Variants in FANCB observed in about 807,000 individuals in gnomAD.
FANCB encodes FA complementation group B, also known as Fanconi anemia group B protein.
FANCB carries 5 observed loss-of-function variants against 38.9 expected under a neutral mutation model. The observed-to-expected ratio is 0.13, with a 90% confidence interval of 0.07 to 0.27. The LOEUF (loss-of-function observed/expected upper bound fraction) is 0.27, where lower values mean the gene tolerates loss of function less well. Among genes scored for constraint, FANCB ranks in the 10% least tolerant of loss-of-function variants. The pLI, the probability that FANCB is intolerant of heterozygous loss-of-function variation, is 1.00. For missense variants in FANCB, 573 were observed against 602.7 expected (o/e 0.95, Z 0.52); for synonymous variants, 236 against 215.4 (o/e 1.10, Z -0.84).
At chrX:14,699,806 G>A in the FANCB span, among the ~76,000 whole-genome samples, 1 of 111,576 alleles carries the variant, frequency 9.0e-6, no homozygotes, top group African/African-American at 3.3e-5. Flanking sequence ...TTCCACATAT[G>A]AGTGAGATCA....
At chrX:14,690,219 G>A in the FANCB span, among the ~76,000 whole-genome samples, 1 of 111,756 alleles carries the variant, frequency 8.9e-6, no homozygotes, top group African/African-American at 3.2e-5. Flanking sequence ...GAAGTGAGCA[G>A]TTTGAATAAT....
chrX:14,752,909 T>C, the FANCB span, among the ~76,000 whole-genome samples: 4 of 108,294 alleles, frequency 3.7e-5, no homozygotes, highest in Non-Finnish European at 7.7e-5. Flanking sequence ...TTGCCACAGC[T>C]GCTTTATAAT....
chrX:14,855,280 G>A (rs1000283326), intron 5 of FANCB, among the ~76,000 whole-genome samples: 2 of 112,104 alleles, frequency 1.8e-5, no homozygotes, highest in East Asian at 2.8e-4. Flanking sequence ...TGCAAGTCAC[G>A]TAACCTTTCT....
chrX:14,784,471 C>T, the FANCB span, among the ~76,000 whole-genome samples: 21 of 112,118 alleles, frequency 1.9e-4, no homozygotes, highest in Admixed American at 1.9e-3. Context: ...CTTCTGTCCT[C>T]TCATCTTCTT....
At chrX:14,778,080 T>A in the FANCB span, among the ~76,000 whole-genome samples, 1 of 111,815 alleles carries the variant, frequency 8.9e-6, no homozygotes, top group African/African-American at 3.3e-5. Flanking sequence ...CCACCATGTA[T>A]GAAAAATTCT....
At chrX:14,700,582 A>G in the FANCB span, among the ~76,000 whole-genome samples, 6 of 112,001 alleles carry the variant, frequency 5.4e-5, no homozygotes, top group Non-Finnish European at 1.1e-4. Context: ...AGAAGCAGCC[A>G]TGGATTTTAG....
downstream of FANCB, among the ~76,000 whole-genome samples, chrX:14,831,017 T>G (rs779096914): frequency 8.9e-6 from 1 of 112,081 alleles, no homozygotes; most frequent in South Asian, 3.7e-4. Context: ...GTGAACTTTA[T>G]GTTAGTCTCC....
chrX:14,782,790 A>G, the FANCB span, among the ~76,000 whole-genome samples: 3 of 111,930 alleles, frequency 2.7e-5, no homozygotes, highest in African/African-American at 9.7e-5. Context: ...ATTAATGTGC[A>G]TACAGACCAC....
chrX:14,748,510 A>G, the FANCB span, among the ~76,000 whole-genome samples: 2 of 112,660 alleles, frequency 1.8e-5, no homozygotes, highest in Admixed American at 9.3e-5. Flanking sequence ...TGTATGCAGT[A>G]ATAGCTAACT....
downstream of FANCB, among the ~76,000 whole-genome samples, chrX:14,841,552 G>A (rs1465054974): frequency 8.9e-6 from 1 of 111,763 alleles, no homozygotes; most frequent in Admixed American, 9.5e-5. Flanking sequence ...ATTCTTGAAG[G>A]GTCTACAGTT....
chrX:14,803,799 C>G, the FANCB span, among the ~76,000 whole-genome samples: 1 of 111,240 alleles, frequency 9.0e-6, no homozygotes, highest in Admixed American at 9.6e-5. Flanking sequence ...AAAAAACACA[C>G]AACCCCATCA....
At chrX:14,752,908 C>A in the FANCB span, among the ~76,000 whole-genome samples, 1 of 107,772 alleles carries the variant, frequency 9.3e-6, no homozygotes. Flanking sequence ...TTTGCCACAG[C>A]TGCTTTATAA....
At chrX:14,707,475 A>G in the FANCB span, among the ~76,000 whole-genome samples, 1 of 111,037 alleles carries the variant, frequency 9.0e-6, no homozygotes, top group African/African-American at 3.3e-5. Flanking sequence ...TTTTGACATG[A>G]GAATATTGCA....
the FANCB span, among the ~76,000 whole-genome samples, chrX:14,706,982 A>G: frequency 9.0e-6 from 1 of 111,164 alleles, no homozygotes; most frequent in Non-Finnish European, 1.9e-5. Flanking sequence ...AGAATCATTG[A>G]ATGTTCTTTC....
the FANCB span, among the ~76,000 whole-genome samples, chrX:14,794,633 G>A: frequency 7.1e-5 from 8 of 112,204 alleles, no homozygotes; most frequent in East Asian, 2.2e-3. Context: ...TAACTTTCCA[G>A]AAGCCACATA....
chrX:14,689,909 T>C, the FANCB span, among the ~76,000 whole-genome samples: 1 of 112,272 alleles, frequency 8.9e-6, no homozygotes, highest in African/African-American at 3.2e-5. Context: ...AGAATCTACT[T>C]TGTCAAATTA....
the FANCB span, among the ~76,000 whole-genome samples, chrX:14,757,921 C>T: frequency 9.0e-6 from 1 of 111,692 alleles, no homozygotes; most frequent in East Asian, 2.8e-4. Context: ...AACCTGAAAG[C>T]CCTACTTGCT....
At chrX:14,866,768 A>G (rs746824004) in intron 2 of FANCB, among the ~76,000 whole-genome samples, 3 of 112,307 alleles carry the variant, frequency 2.7e-5, no homozygotes. Context: ...AATAAAAGAC[A>G]TCCAAATTGG....
the FANCB span, among the ~76,000 whole-genome samples, chrX:14,724,925 TGAATG>T: frequency 9.0e-6 from 1 of 111,564 alleles, no homozygotes; most frequent in African/African-American, 3.3e-5. Flanking sequence ...TTCATAATCT[TGAATG>T]GAAGCCATTT....
Sources: allele counts gnomAD v4.1 joint callset (sites outside exome capture counted in the v4.1 genomes callset), GRCh38; gene constraint gnomAD v4.1.1; transcripts MANE v1.5; gene names NCBI Gene and HGNC (gene_info 2026-07-23, HGNC 2026-07-21).